Variants in MMP16 observed in about 807,000 individuals in gnomAD.
MMP16 encodes the protein matrix metallopeptidase 16.
Under a neutral mutation model 67.8 loss-of-function variants are expected in MMP16, and 12 were observed. The observed-to-expected ratio is 0.18, with a 90% CI of 0.11 to 0.29. The LOEUF is 0.29. Among genes scored for constraint, MMP16 ranks in the 10% least tolerant of loss-of-function variants. The pLI is 1.00. For missense variants in MMP16, 475 were observed against 765.7 expected (o/e 0.62, Z 4.48); for synonymous variants, 249 against 255.9 (o/e 0.97, Z 0.26).
intron 1 of MMP16, among the ~76,000 whole-genome samples, chr8:88,250,279 A>G (rs181061918): frequency 1.3e-5 from 2 of 152,074 alleles, no homozygotes; most frequent in African/African-American, 4.8e-5. Context: ...AAAACTCCAT[A>G]TAAAGATCTA....
chr8:88,064,387 T>C (rs1347892253), intron 7 of MMP16, among the ~76,000 whole-genome samples: 1 of 152,096 alleles, frequency 6.6e-6, no homozygotes, highest in East Asian at 1.9e-4. Context: ...AAATAATCAA[T>C]ATTTTATTTG....
chr8:88,267,063 C>T (rs1025605329), intron 1 of MMP16, among the ~76,000 whole-genome samples: 1 of 152,138 alleles, frequency 6.6e-6, no homozygotes, highest in South Asian at 2.1e-4. Flanking sequence ...ACTAAGATGT[C>T]ATTCTTAGTC....
chr8:88,089,569 T>C (rs1808898724), intron 6 of MMP16, among the ~76,000 whole-genome samples: 2 of 151,782 alleles, frequency 1.3e-5, no homozygotes, highest in South Asian at 2.1e-4. Flanking sequence ...GTAGAATGTA[T>C]ATAAGAAAAC....
intron 4 of MMP16, among the ~76,000 whole-genome samples, chr8:88,160,367 A>G (rs931386835): frequency 2.6e-5 from 4 of 151,986 alleles, no homozygotes; most frequent in African/African-American, 4.8e-5. Context: ...AATCCAGTCT[A>G]TCATTGTTGG....
At chr8:88,144,106 A>C (rs1808254076) in intron 4 of MMP16, among the ~76,000 whole-genome samples, 1 of 151,976 alleles carries the variant, frequency 6.6e-6, no homozygotes, top group Admixed American at 6.6e-5. Context: ...CTTTCACTTT[A>C]AACAGGGGCT....
At chr8:88,048,047 C>T (rs371863954) in intron 8 of MMP16, among the ~76,000 whole-genome samples, 1 of 152,000 alleles carries the variant, frequency 6.6e-6, no homozygotes, top group East Asian at 1.9e-4. Flanking sequence ...ATTTTAAGCC[C>T]GATTATCTGG....
chr8:88,300,529 A>G (rs1316210205), intron 1 of MMP16, among the ~76,000 whole-genome samples: 1 of 152,208 alleles, frequency 6.6e-6, no homozygotes. Context: ...CCGTTGTGAG[A>G]TAACAGTGCT....
chr8:88,261,772 T>TACACACACGCAC (rs1554589555), intron 1 of MMP16, among the ~76,000 whole-genome samples: 1 of 149,660 alleles, frequency 6.7e-6, no homozygotes, highest in Non-Finnish European at 1.5e-5. Context: ...TATGTACATG[T>TACACACACGCAC]ACACACACAC....
intron 1 of MMP16, among the ~76,000 whole-genome samples, chr8:88,223,951 C>T (rs1809727841): frequency 6.6e-6 from 1 of 151,778 alleles, no homozygotes. Flanking sequence ...AGAATGACCT[C>T]TAGGAATGTG....
At chr8:88,068,472 T>C (rs1224269006) in intron 7 of MMP16, among the ~76,000 whole-genome samples, 1 of 152,090 alleles carries the variant, frequency 6.6e-6, no homozygotes, top group Non-Finnish European at 1.5e-5. Flanking sequence ...TTTGCACAGA[T>C]TAAGGTCACA....
intron 2 of MMP16, 86 bp from the exon 3 acceptor site, chr8:88,186,684 A>G: frequency 1.3e-6 from 2 of 1,510,908 alleles, no homozygotes; most frequent in East Asian, 2.3e-5. Flanking sequence ...AAGAAAATCA[A>G]TTAAGAGGTT....
At chr8:88,229,393 CA>C (rs1368070164) in intron 1 of MMP16, among the ~76,000 whole-genome samples, 2 of 151,862 alleles carry the variant, frequency 1.3e-5, no homozygotes, top group Non-Finnish European at 2.9e-5. Flanking sequence ...AAAAAAGTAA[CA>C]AATCAAAACG....
chr8:88,276,031 T>C (rs1206810892), intron 1 of MMP16, among the ~76,000 whole-genome samples: 1 of 152,098 alleles, frequency 6.6e-6, no homozygotes, highest in Non-Finnish European at 1.5e-5. Context: ...ATCCTATTTT[T>C]GAAATCCAGT....
chr8:88,261,422 C>A (rs1271747704), intron 1 of MMP16, among the ~76,000 whole-genome samples: 1 of 152,042 alleles, frequency 6.6e-6, no homozygotes, highest in Non-Finnish European at 1.5e-5. Flanking sequence ...AATAATCCAA[C>A]AATTTATAAT....
intron 1 of MMP16, among the ~76,000 whole-genome samples, chr8:88,228,578 C>T (rs560552379): frequency 1.3e-5 from 2 of 152,154 alleles, no homozygotes; most frequent in South Asian, 4.1e-4. Flanking sequence ...TTCTAAGTGA[C>T]ATATTAAATG....
chr8:88,276,972 C>G (rs557808971), intron 1 of MMP16, among the ~76,000 whole-genome samples: 31 of 152,166 alleles, frequency 2.0e-4, no homozygotes, highest in Admixed American at 1.1e-3. Context: ...TTTTTGGCTA[C>G]ATGTTTTTTC....
chr8:88,315,766 T>C (rs992935923), intron 1 of MMP16, among the ~76,000 whole-genome samples: 2 of 152,160 alleles, frequency 1.3e-5, no homozygotes, highest in South Asian at 4.1e-4. Context: ...GAGTCATACA[T>C]TTCTCACTTT....
chr8:88,268,349 A>G (rs2129966296), intron 1 of MMP16, among the ~76,000 whole-genome samples: 1 of 152,312 alleles, frequency 6.6e-6, no homozygotes, highest in South Asian at 2.1e-4. Flanking sequence ...TCTCAAAAAG[A>G]AAACCAAAAC....
At chr8:88,256,869 T>C (rs1158469804) in intron 1 of MMP16, among the ~76,000 whole-genome samples, 1 of 152,210 alleles carries the variant, frequency 6.6e-6, no homozygotes, top group African/African-American at 2.4e-5. Flanking sequence ...ATTTTATTTC[T>C]TTTATTTCAG....
Sources: gnomAD v4.1 joint callset for allele counts (sites outside exome capture counted in the v4.1 genomes callset) on GRCh38, gnomAD v4.1.1 for gene constraint, MANE v1.5 for transcripts, NCBI Gene and HGNC (gene_info 2026-07-23, HGNC 2026-07-21) for gene names.